Variants in UBAP1 observed in about 807,000 individuals in gnomAD.
The protein encoded by UBAP1 is ubiquitin-associated protein 1.
Under a neutral mutation model 39.0 loss-of-function variants are expected in UBAP1, and 5 were observed. That is an observed-to-expected ratio of 0.13 (90% CI 0.07 to 0.27). The LOEUF is 0.27. Ranked by LOEUF, UBAP1 falls within the 10% of genes least tolerant of loss-of-function variation. The pLI, the probability that UBAP1 is intolerant of heterozygous loss-of-function variation, is 1.00. For missense variants in UBAP1, 490 were observed against 608.1 expected, an observed-to-expected ratio of 0.81 and a Z score of 2.04; for synonymous variants, 211 against 225.1, an observed-to-expected ratio of 0.94 and a Z score of 0.56.
intron 2 of UBAP1, 67 bp from the exon 3 acceptor site, chr9:34,234,149 A>T: frequency 6.6e-7 from 1 of 1,516,580 alleles, no homozygotes; most frequent in Non-Finnish European, 8.9e-7. Context: ...TCCGTTAGAC[A>T]TAAGATTATG....
chr9:34,225,308 T>C (rs1418935626), intron 2 of UBAP1, among the ~76,000 whole-genome samples: 3 of 152,204 alleles, frequency 2.0e-5, no homozygotes, highest in Non-Finnish European at 4.4e-5. Flanking sequence ...TTCATTATTT[T>C]CAACTAAAGT....
chr9:34,222,178 C>A (rs1029538538), intron 2 of UBAP1, among the ~76,000 whole-genome samples: 2 of 152,070 alleles, frequency 1.3e-5, no homozygotes, highest in African/African-American at 4.8e-5. Context: ...TACTAGACTG[C>A]CTGGGGACGT....
At chr9:34,207,653 ATTTAT>A in intron 1 of UBAP1, among the ~76,000 whole-genome samples, 1 of 132,508 alleles carries the variant, frequency 7.5e-6, no homozygotes, top group East Asian at 2.2e-4. Flanking sequence ...ATTTCTTTTT[ATTTAT>A]TTCTTTTTTT....
chr9:34,236,248 A>G (rs555558099), intron 3 of UBAP1, among the ~76,000 whole-genome samples: 10 of 152,252 alleles, frequency 6.6e-5, no homozygotes, highest in African/African-American at 2.2e-4. Flanking sequence ...TTATGCTACA[A>G]TTGCCTACAG....
At chr9:34,179,025 C>A, upstream of UBAP1, 2 of 1,259,186 alleles carry the variant, frequency 1.6e-6, no homozygotes, top group Non-Finnish European at 2.0e-6. Context: ...ATGAGTGGGG[C>A]GGTGAGGGGA....
At chr9:34,196,805 C>G (rs1831086078) in intron 1 of UBAP1, among the ~76,000 whole-genome samples, 1 of 151,716 alleles carries the variant, frequency 6.6e-6, no homozygotes, top group African/African-American at 2.4e-5. Flanking sequence ...TTATTTGGTT[C>G]AGTCATTATA....
At chr9:34,195,589 T>C (rs989636887) in intron 1 of UBAP1, among the ~76,000 whole-genome samples, 4 of 151,854 alleles carry the variant, frequency 2.6e-5, no homozygotes, top group African/African-American at 9.7e-5. Flanking sequence ...GTAGAGCCTT[T>C]GGATTTTTCT....
intron 2 of UBAP1, among the ~76,000 whole-genome samples, chr9:34,229,201 G>A (rs1317308276): frequency 1.3e-5 from 2 of 151,642 alleles, no homozygotes; most frequent in Admixed American, 6.6e-5. Flanking sequence ...ATATCACACT[G>A]TAGTAGTTTG....
chr9:34,187,354 T>C (rs1175918370), intron 1 of UBAP1, among the ~76,000 whole-genome samples: 1 of 152,242 alleles, frequency 6.6e-6, no homozygotes, highest in East Asian at 1.9e-4. Flanking sequence ...AAAGGCAGAC[T>C]TCTTAGAAGT....
chr9:34,200,477 T>G (rs1831306266), intron 1 of UBAP1, among the ~76,000 whole-genome samples: 1 of 152,232 alleles, frequency 6.6e-6, no homozygotes, highest in South Asian at 2.1e-4. Context: ...ACGGTTTTAT[T>G]TTTTAAGAGA....
chr9:34,180,633 A>G (rs1296811671), intron 1 of UBAP1, among the ~76,000 whole-genome samples: 1 of 152,054 alleles, frequency 6.6e-6, no homozygotes, highest in Non-Finnish European at 1.5e-5. Context: ...TTCTAGTTCT[A>G]TTAATTCATG....
At chr9:34,194,371 G>A (rs1830904351) in intron 1 of UBAP1, among the ~76,000 whole-genome samples, 1 of 151,292 alleles carries the variant, frequency 6.6e-6, no homozygotes, top group African/African-American at 2.4e-5. Flanking sequence ...CTGGAGTGCA[G>A]TGGCACAATC....
intron 1 of UBAP1, among the ~76,000 whole-genome samples, chr9:34,202,678 T>TGTGTGTGTGTGTGTGTGTGTGTGTG (rs1563895163): frequency 7.2e-6 from 1 of 138,980 alleles, no homozygotes; most frequent in African/African-American, 2.6e-5. Context: ...TGTGTGTGTG[T>TGTGTGTGTGTGTGTGTGTGTGTGTG]CCCCGTCCCC....
chr9:34,201,468 C>T (rs1160348435), intron 1 of UBAP1: 1 of 152,098 alleles, frequency 6.6e-6, no homozygotes, highest in Non-Finnish European at 1.5e-5. Flanking sequence ...CACTTGAACC[C>T]CAGAGGCAGA....
intron 1 of UBAP1, among the ~76,000 whole-genome samples, chr9:34,202,624 C>CGTGTGTGTGTGTGTGTGT (rs56012034): frequency 5.2e-4 from 56 of 107,362 alleles, no homozygotes; most frequent in African/African-American, 1.9e-3. Context: ...TAGACAGAAA[C>CGTGTGTGTGTGTGTGTGT]GTGTGTGTGT....
intron 4 of UBAP1, among the ~76,000 whole-genome samples, chr9:34,248,081 G>C (rs573357052): frequency 3.3e-5 from 5 of 151,778 alleles, no homozygotes; most frequent in African/African-American, 1.2e-4. Context: ...TGTCACCCAG[G>C]CTGGAGTGCA....
At chr9:34,186,054 CCT>C (rs1469511310) in intron 1 of UBAP1, among the ~76,000 whole-genome samples, 2 of 152,092 alleles carry the variant, frequency 1.3e-5, no homozygotes, top group African/African-American at 2.4e-5. Flanking sequence ...CCATTTTGCC[CCT>C]CTTAGGTGGT....
chr9:34,229,154 A>T (rs1833272852), intron 2 of UBAP1, among the ~76,000 whole-genome samples: 1 of 152,048 alleles, frequency 6.6e-6, no homozygotes, highest in Non-Finnish European at 1.5e-5. Context: ...CTAAGCCAGG[A>T]CCTAGTTTCA....
intron 1 of UBAP1, among the ~76,000 whole-genome samples, chr9:34,181,288 A>C (rs1370985519): frequency 7.0e-6 from 1 of 142,304 alleles, no homozygotes; most frequent in Non-Finnish European, 1.5e-5. Flanking sequence ...ATTTTTTAAA[A>C]TATTTTTTTA....
Sources: gnomAD v4.1 joint callset for allele counts (sites outside exome capture counted in the v4.1 genomes callset) on GRCh38, gnomAD v4.1.1 for gene constraint, MANE v1.5 for transcripts, NCBI Gene and HGNC (gene_info 2026-07-23, HGNC 2026-07-21) for gene names.